DNAH17: variants seen among roughly 807,000 people sequenced by gnomAD.
DNAH17 encodes the protein axonemal beta dynein heavy chain 17.
Under a neutral mutation model 485.6 loss-of-function variants are expected in DNAH17, and 376 were observed. That is an observed-to-expected ratio of 0.77 (90% CI 0.71 to 0.84). The LOEUF (loss-of-function observed/expected upper bound fraction) is 0.84, where lower values mean the gene tolerates loss of function less well. Among genes scored for constraint, DNAH17 ranks in the 40% least tolerant of loss-of-function variants. The pLI is 0.00. For synonymous variants in DNAH17, 3,031 were observed against 2,405.9 expected (o/e 1.26, Z -7.60); for missense variants, 6,370 against 5,839.3 (o/e 1.09, Z -2.96).
Position 78,475,399 on chromosome 17 carries a change from G to A in DNAH17, c.8390C>T (p.Ala2797Val), listed in dbSNP as rs1456580731. The change falls in exon 54 of 81, where the codon GCC becomes GTC. Residue 2797 changes from alanine to valine, a missense_variant. Transcript: ENST00000389840. ...NRILESPRGN[A>V]LLVGVGGSGK... ...ACTGCCGCCCACCCCCACCAGCAGG[G>A]CATTCCCCCGGGGAGACTCCAGGAT... 8.1e-6 allele frequency: 13 copies of A among 1,613,796 alleles called. No homozygotes were observed. In the East Asian group the frequency reaches 2.7e-4, roughly 33 times the overall value.
Position 78,574,858 on chromosome 17 carries a change from C to T in DNAH17, c.200G>A (p.Gly67Asp). 6.2e-7 allele frequency: 1 copy of T among 1,613,994 alleles called. No homozygotes were observed. Among genetic ancestry groups the T allele is most frequent in the Non-Finnish European group, 8.5e-7 (1 of 1,179,882 alleles). Residue 67 changes from glycine (G) to aspartate (D), a missense_variant, in exon 2 of 81, where the codon GGC becomes GAC. Gly to Asp is a moderately conservative substitution (Grantham distance 94). Transcript: ENST00000389840. ...NAAGMIIPCL[G>D]FPQSLKSKGV... ...TTTGGACTTGAGGGACTGGGGGAAG[C>T]CCAGGCAGGGTATGATCATGCCGGC...
At chr17:78,558,587 G>A (rs566298787) in intron 13 of DNAH17, among the ~76,000 whole-genome samples, 6 of 151,512 alleles carry the variant, frequency 4.0e-5, no homozygotes, top group South Asian at 2.1e-4. Flanking sequence ...ACGGGTGGGT[G>A]ACATTATCCT....
At chr17:78,461,092 C>T (rs2088098241) in intron 58 of DNAH17, among the ~76,000 whole-genome samples, 1 of 148,294 alleles carries the variant, frequency 6.7e-6, no homozygotes, top group South Asian at 2.1e-4. Flanking sequence ...AAGGAGCCCA[C>T]CCCCAGGCCA....
intron 54 of DNAH17, chr17:78,472,874 T>C: frequency 2.6e-6 from 1 of 387,022 alleles, no homozygotes; most frequent in Non-Finnish European, 5.4e-6. Flanking sequence ...CAAACTATCC[T>C]TCCTGTGTCC....
intron 24 of DNAH17, 119 bp downstream of exon 24, chr17:78,526,532 G>A (rs918272012): frequency 1.5e-5 from 12 of 808,004 alleles, no homozygotes; most frequent in Admixed American, 5.9e-5. Context: ...ACTCGTGCAC[G>A]GCCCCAAGGT....
At chr17:78,501,647 G>C (rs1327365717) in intron 34 of DNAH17, 95 bp downstream of exon 34, 3 of 1,499,192 alleles carry the variant, frequency 2.0e-6, no homozygotes, top group Admixed American at 3.9e-5. Flanking sequence ...GCCCCAGGAA[G>C]AGGAAGTGGC....
At chr17:78,501,954 G>A in intron 33 of DNAH17, 81 bp from the exon 34 acceptor site, 2 of 1,573,720 alleles carry the variant, frequency 1.3e-6, no homozygotes, top group Non-Finnish European at 1.7e-6. Flanking sequence ...GCCCACAGCT[G>A]CATAGGGAAC....
At chr17:78,553,295 T>G (rs1390869868) in intron 14 of DNAH17, among the ~76,000 whole-genome samples, 4 of 47,008 alleles carry the variant, frequency 8.5e-5, no homozygotes, top group Admixed American at 4.6e-4. Context: ...TTTTTTTTTT[T>G]TTTTTTTTTT....
At position 78,459,157 on chromosome 17, in the gene DNAH17, G is replaced by A; in HGVS notation, c.9705C>T (p.Ser3235=). The A allele has an allele frequency of 6.2e-7, 1 of 1,613,992 alleles. No individual in the cohort carries two copies. Among genetic ancestry groups the A allele is most frequent in the Non-Finnish European group, 8.5e-7 (1 of 1,179,906 alleles). ...AGGAGCACAGGCCGGCGGCGGCCGT[G>A]GACTTGGAGCGGATGAACTCGGGGT... ...TFDPEFIRSK[S]TAAAGLCSWC... The change falls in exon 61 of 81, where the codon TCC becomes TCT. Residue 3235 remains serine (S), a synonymous_variant. Transcript: ENST00000389840.
At position 78,514,763 on chromosome 17, in the gene DNAH17, G is replaced by A; in HGVS notation, c.4113+11C>T. 6.2e-7 allele frequency: 1 copy of A among 1,612,878 alleles called. No homozygotes were observed. Among genetic ancestry groups the A allele is most frequent in the Non-Finnish European group, 8.5e-7 (1 of 1,179,288 alleles). ...GGGGCGGTCCCCTCCGCCCACCATG[G>A]TGCATGGTACCTGGGTGGCCTGCAT... On this transcript the variant is annotated intron_variant, in intron 26 of 80. Transcript: ENST00000389840.
chr17:78,526,280 A>T (rs2091069326), intron 24 of DNAH17, among the ~76,000 whole-genome samples: 1 of 152,202 alleles, frequency 6.6e-6, no homozygotes, highest in Admixed American at 6.5e-5. Context: ...GGTGAGTATT[A>T]AGCCCAGGGG....
chr17:78,570,553 A>G (rs1395598144), intron 6 of DNAH17, among the ~76,000 whole-genome samples, 181 bp from the exon 7 acceptor site: 4 of 152,122 alleles, frequency 2.6e-5, no homozygotes, highest in African/African-American at 7.2e-5. Flanking sequence ...CCACGGCCCC[A>G]CATGCCTTGA....
chr17:78,473,345 C>T (rs1267500972), intron 54 of DNAH17, among the ~76,000 whole-genome samples: 2 of 152,098 alleles, frequency 1.3e-5, no homozygotes, highest in East Asian at 3.9e-4. Flanking sequence ...GAGATTGAGA[C>T]CATCCAGGCT....
At chr17:78,561,613 G>A (rs2092156327) in intron 12 of DNAH17, 102 bp downstream of exon 12, 4 of 1,374,808 alleles carry the variant, frequency 2.9e-6, no homozygotes, top group South Asian at 1.6e-5. Context: ...GTAACAGTCT[G>A]GTCGACAGGA....
In DNAH17 at chr17:78,561,965, C is replaced by A; in HGVS notation, c.1585G>T (p.Gly529Trp). 6.2e-7 allele frequency: 1 copy of A among 1,604,780 alleles called. No individual in the cohort carries two copies. Among genetic ancestry groups the A allele is most frequent in the South Asian group, 1.1e-5 (1 of 90,108 alleles). The change falls in exon 12 of 81, where the codon GGG becomes TGG. Residue 529 changes from glycine to tryptophan, a missense_variant. Transcript: ENST00000389840. ...KSSAKLLYMC[G>W]GLMERPLILA... ...ATCAGGGGCCGCTCCATGAGGCCCC[C>A]ACACATGTACAGGAGCTGAGGACAA... is the stretch of plus-strand genomic sequence containing the variant.
intron 22 of DNAH17, among the ~76,000 whole-genome samples, chr17:78,528,012 C>T (rs1377577950): frequency 6.6e-6 from 1 of 151,818 alleles, no homozygotes; most frequent in Non-Finnish European, 1.5e-5. Context: ...CTCCTTGGCT[C>T]AAGTAATCTG....
intron 65 of DNAH17, among the ~76,000 whole-genome samples, 162 bp downstream of exon 65, chr17:78,453,181 G>A (rs2087629046): frequency 6.6e-6 from 1 of 152,196 alleles, no homozygotes; most frequent in African/African-American, 2.4e-5. Context: ...TCTTTCCTCA[G>A]GAGCTGGGGG....
At chr17:78,508,656 G>T (rs2090553114) in intron 27 of DNAH17, among the ~76,000 whole-genome samples, 1 of 152,234 alleles carries the variant, frequency 6.6e-6, no homozygotes, top group African/African-American at 2.4e-5. Context: ...ATCTATAGAG[G>T]GGGAAAGTGG....
chr17:78,486,567 C>T (rs754603896), intron 44 of DNAH17, 61 bp from the exon 45 acceptor site: 2 of 1,525,304 alleles, frequency 1.3e-6, no homozygotes, highest in Non-Finnish European at 1.8e-6. Context: ...AGTGTCCCTG[C>T]CTTGGTAAAC....
Sources: allele counts gnomAD v4.1 joint callset (sites outside exome capture counted in the v4.1 genomes callset), GRCh38; gene constraint gnomAD v4.1.1; transcripts MANE v1.5; gene names NCBI Gene and HGNC (gene_info 2026-07-23, HGNC 2026-07-21).